Variants in PDE1C observed in about 807,000 individuals in gnomAD.
PDE1C encodes dual specificity calcium/calmodulin-dependent 3',5'-cyclic nucleotide phosphodiesterase 1C.
A neutral mutation model predicts 93.1 loss-of-function variants in PDE1C; 62 were observed. The observed-to-expected ratio is 0.67, with a 90% CI of 0.54 to 0.82. The LOEUF (loss-of-function observed/expected upper bound fraction) is 0.82. Among genes scored for constraint, PDE1C ranks in the 40% least tolerant of loss-of-function variants. PDE1C has a pLI of 0.00. For missense variants in PDE1C, 742 were observed against 884.6 expected (o/e 0.84, Z 2.04); for synonymous variants, 325 against 310.1 (o/e 1.05, Z -0.50).
chr7:32,344,241 T>C (rs1022893217), intron 1 of PDE1C, among the ~76,000 whole-genome samples: 15 of 152,210 alleles, frequency 9.9e-5, no homozygotes, highest in African/African-American at 2.9e-4. Flanking sequence ...ACCCAGCTAA[T>C]TTTTTCATTC....
Position 32,185,320 on chromosome 7 carries a change from C to CGTTATATT in PDE1C, c.137-15372_137-15365dup, listed in dbSNP as rs368031677. Among the ~76,000 whole-genome samples, 14 of 150,770 alleles carry CGTTATATT rather than the reference C, an allele frequency of 9.3e-5. No homozygotes were observed. In the East Asian group the frequency reaches 2.7e-3, roughly 29 times the overall value. ...TACTCAGATAGGTTCTATTTGGTCA[C>CGTTATATT]GTTATATTGTTACTAGAATATACTT... On this transcript the variant is annotated intron_variant, in intron 2 of 18. Transcript: ENST00000396193.
intron 1 of PDE1C, among the ~76,000 whole-genome samples, chr7:32,413,022 G>C (rs6975351): frequency 0.15 from 22,566 of 152,086 alleles, 3,282 homozygotes; most frequent in African/African-American, 0.37. Context: ...ACCTTGATAG[G>C]GGTTTGGGTT....
chr7:32,206,341 G>C (rs183900197), intron 2 of PDE1C, among the ~76,000 whole-genome samples: 1 of 152,272 alleles, frequency 6.6e-6, no homozygotes, highest in East Asian at 1.9e-4. Flanking sequence ...CTCTAGGTCA[G>C]GTGCAGTCAA....
the PDE1C span, among the ~76,000 whole-genome samples, chr7:31,621,120 T>C: frequency 2.6e-5 from 4 of 152,030 alleles, no homozygotes; most frequent in Admixed American, 2.6e-4. Context: ...AAAGACCAAA[T>C]CTACGTCTGA....
chr7:32,193,353 C>T (rs181577446), intron 2 of PDE1C, among the ~76,000 whole-genome samples: 2 of 152,106 alleles, frequency 1.3e-5, no homozygotes, highest in Non-Finnish European at 2.9e-5. Context: ...GAGTTTCTAT[C>T]ATGAATGAAT....
At chr7:31,981,445 T>C (rs1812362733) in intron 2 of PDE1C, among the ~76,000 whole-genome samples, 1 of 152,198 alleles carries the variant, frequency 6.6e-6, no homozygotes, top group Non-Finnish European at 1.5e-5. Flanking sequence ...TTAAAATGTG[T>C]GTTAATGAAA....
At chr7:32,303,528 T>C (rs1157592579), upstream of PDE1C, among the ~76,000 whole-genome samples, 1 of 152,202 alleles carries the variant, frequency 6.6e-6, no homozygotes, top group African/African-American at 2.4e-5. Flanking sequence ...CTGTCACCAG[T>C]ACCCTCCTCT....
intron 3 of PDE1C, among the ~76,000 whole-genome samples, chr7:32,087,451 C>T (rs1424055724): frequency 6.6e-6 from 1 of 152,150 alleles, no homozygotes; most frequent in Non-Finnish European, 1.5e-5. Context: ...GGCGATTCCT[C>T]AGGGGTCTAG....
At chr7:32,120,788 G>A (rs1584800366) in intron 3 of PDE1C, among the ~76,000 whole-genome samples, 1 of 152,236 alleles carries the variant, frequency 6.6e-6, no homozygotes, top group African/African-American at 2.4e-5. Context: ...TGAAAAAAAT[G>A]CTGAAAACCC....
chr7:31,703,720 G>A, the PDE1C span, among the ~76,000 whole-genome samples: 4 of 152,172 alleles, frequency 2.6e-5, no homozygotes, highest in African/African-American at 4.8e-5. Flanking sequence ...AGAGAAACTC[G>A]CAGACAAATA....
At chr7:31,664,595 T>C in the PDE1C span, among the ~76,000 whole-genome samples, 2 of 152,208 alleles carry the variant, frequency 1.3e-5, no homozygotes, top group African/African-American at 4.8e-5. Flanking sequence ...TAAGATGCAG[T>C]ACCTGAATCC....
chr7:32,058,197 A>G (rs1306757312), intron 1 of PDE1C, among the ~76,000 whole-genome samples: 1 of 152,188 alleles, frequency 6.6e-6, no homozygotes, highest in East Asian at 1.9e-4. Context: ...CTGGGTAACA[A>G]TGACTCACTC....
At chr7:31,981,502 C>G (rs965989960) in intron 2 of PDE1C, among the ~76,000 whole-genome samples, 2 of 152,128 alleles carry the variant, frequency 1.3e-5, no homozygotes, top group African/African-American at 2.4e-5. Flanking sequence ...TTCAATAGAT[C>G]CATGAGCCTA....
chr7:32,194,194 G>A (rs376609876), intron 2 of PDE1C, among the ~76,000 whole-genome samples: 3 of 152,290 alleles, frequency 2.0e-5, no homozygotes, highest in South Asian at 2.1e-4. Flanking sequence ...GATTATGGGC[G>A]TGAGCCAGGC....
At chr7:31,634,475 T>C in the PDE1C span, among the ~76,000 whole-genome samples, 1 of 152,164 alleles carries the variant, frequency 6.6e-6, no homozygotes, top group African/African-American at 2.4e-5. Flanking sequence ...ACTTTCCCTA[T>C]GAGGGGACAG....
chr7:32,047,306 T>C (rs148833047), intron 2 of PDE1C, among the ~76,000 whole-genome samples: 79 of 152,304 alleles, frequency 5.2e-4, no homozygotes, highest in African/African-American at 1.8e-3. Flanking sequence ...TAATCCTCTC[T>C]AGCCGTCAAA....
At chr7:32,197,849 G>A (rs183042354) in intron 2 of PDE1C, among the ~76,000 whole-genome samples, 1 of 152,198 alleles carries the variant, frequency 6.6e-6, no homozygotes, top group Admixed American at 6.5e-5. Flanking sequence ...TTTTTGGGGT[G>A]ACAAAAATTA....
chr7:31,854,149 G>C (rs750225725), intron 7 of PDE1C, among the ~76,000 whole-genome samples: 5 of 152,140 alleles, frequency 3.3e-5, no homozygotes, highest in Admixed American at 6.6e-5. Flanking sequence ...TGAGGTTGCA[G>C]TTAAGGAGAA....
the PDE1C span, among the ~76,000 whole-genome samples, chr7:31,712,802 A>G: frequency 6.6e-6 from 1 of 152,178 alleles, no homozygotes; most frequent in Non-Finnish European, 1.5e-5. Context: ...GCAGCAGGCA[A>G]AGAGAGAGAG....
Sources: gnomAD v4.1 joint callset for allele counts (sites outside exome capture counted in the v4.1 genomes callset) on GRCh38, gnomAD v4.1.1 for gene constraint, MANE v1.5 for transcripts, NCBI Gene and HGNC (gene_info 2026-07-23, HGNC 2026-07-21) for gene names.